GLP2R: variants seen among roughly 807,000 people sequenced by gnomAD.
GLP2R encodes the protein glucagon-like peptide 2 receptor.
A neutral mutation model predicts 68.2 loss-of-function variants in GLP2R; 59 were observed. The observed-to-expected ratio is 0.87, with a 90% CI of 0.70 to 1.07. GLP2R has a LOEUF of 1.07. GLP2R is among the 50% of genes least tolerant of loss of function. GLP2R has a pLI of 0.00. For missense variants in GLP2R, 548 were observed against 677.4 expected (o/e 0.81, Z 2.12); for synonymous variants, 270 against 265.4 (o/e 1.02, Z -0.17).
At chr17:9,830,297 G>A (rs943050670) in intron 1 of GLP2R, among the ~76,000 whole-genome samples, 2 of 152,088 alleles carry the variant, frequency 1.3e-5, no homozygotes, top group Non-Finnish European at 2.9e-5. Flanking sequence ...AGGTCCCTGG[G>A]GTCATAAATA....
Position 9,889,772 on chromosome 17 carries a change from A to C in GLP2R, c.*67A>C. On this transcript the variant is annotated 3_prime_UTR_variant, in exon 13 of 13. Coordinates refer to ENST00000262441, the MANE Select transcript of GLP2R (RefSeq NM_004246.3). Reference sequence around the variant, plus strand: ...GAGGGGGCCCAGGAAGAGGAAGCAAAGCAGGACACACGTTGCTGGGCACGG... The same window carrying C: ...GAGGGGGCCCAGGAAGAGGAAGCAACGCAGGACACACGTTGCTGGGCACGG... 1 of 960,426 alleles carries C rather than the reference A, an allele frequency of 1.0e-6. No homozygotes were observed. Among genetic ancestry groups the C allele is most frequent in the Non-Finnish European group, 1.5e-6 (1 of 649,106 alleles). 59.5% of individuals were successfully genotyped at this position (960,426 alleles called of 1,614,324 possible).
chr17:9,873,973 A>G (rs547387945), intron 10 of GLP2R, among the ~76,000 whole-genome samples: 1 of 152,280 alleles, frequency 6.6e-6, no homozygotes, highest in South Asian at 2.1e-4. Flanking sequence ...CTGATCACAC[A>G]TCTCTGTCAG....
intron 9 of GLP2R, among the ~76,000 whole-genome samples, chr17:9,862,410 A>G (rs2066995191): frequency 6.6e-6 from 1 of 152,222 alleles, no homozygotes; most frequent in South Asian, 2.1e-4. Flanking sequence ...TCATGGAGGA[A>G]CCCAGAATAG....
At chr17:9,854,995 T>G (rs1378948146) in intron 5 of GLP2R, among the ~76,000 whole-genome samples, 1 of 152,238 alleles carries the variant, frequency 6.6e-6, no homozygotes, top group African/African-American at 2.4e-5. Context: ...ATCACTTTAC[T>G]CAGAACAGCA....
At chr17:9,855,419 G>A (rs1044761138) in intron 5 of GLP2R, among the ~76,000 whole-genome samples, 7 of 152,146 alleles carry the variant, frequency 4.6e-5, no homozygotes, top group East Asian at 1.9e-4. Flanking sequence ...CCTGCTGTGC[G>A]CCCGGCCCTG....
At chr17:9,847,876 G>A (rs142191415) in intron 4 of GLP2R, among the ~76,000 whole-genome samples, 256 of 152,238 alleles carry the variant, frequency 1.7e-3, no homozygotes, top group African/African-American at 5.5e-3. Context: ...CCATCAAGGC[G>A]CAGTGGCTCA....
chr17:9,882,027 T>C lies in GLP2R; in HGVS notation c.1284+1511T>C, dbSNP rs192182283. ...GTCAATAGCAACCATTTTGGGACCA[T>C]ACACATTAACTAAAAAAAAAAAAAA... On this transcript the variant is annotated intron_variant, in intron 11 of 12. Coordinates refer to ENST00000262441, the MANE Select transcript of GLP2R (RefSeq NM_004246.3). 3.8e-3 allele frequency among the ~76,000 whole-genome samples: 513 copies of C among 135,486 alleles called. 7 individuals are homozygous for C. The highest frequency in any genetic ancestry group is 0.033 in the East Asian group (160 of 4,866). The allele number at this position is 135,486 out of a possible 152,430, so 88.9% of individuals were successfully genotyped here. A position where few individuals can be genotyped will look rare whatever the true frequency, so the allele number is the denominator to read the frequency against.
At chr17:9,885,044 A>G (rs2067230219) in intron 11 of GLP2R, among the ~76,000 whole-genome samples, 1 of 152,114 alleles carries the variant, frequency 6.6e-6, no homozygotes, top group Non-Finnish European at 1.5e-5. Context: ...TTTCTGAGAA[A>G]GAATCCTAGA....
intron 10 of GLP2R, among the ~76,000 whole-genome samples, chr17:9,879,271 TAAAATAAAATAAAATAAAATAA>T (rs2067169294): frequency 0.025 from 410 of 16,474 alleles, 1 homozygote; most frequent in South Asian, 0.052. Context: ...TAAAATAAAA[TAAAATAAAATAAAATAAAATAA>T]ATAAAATAAA....
rs761771451 is a variant in GLP2R, at chr17:9,826,152, C to T, written c.89C>T (p.Ala30Val). The T allele has an allele frequency of 2.5e-6, 4 of 1,612,332 alleles. No homozygotes were observed. The highest frequency in any genetic ancestry group is 1.7e-5 in the Admixed American group (1 of 59,886). Residue 30 changes from alanine (A) to valine (V), a missense_variant, in exon 1 of 13, where the codon GCC (alanine) becomes GTC (valine). Ala to Val is a moderately conservative substitution (Grantham distance 64, BLOSUM62 0). Coordinates refer to ENST00000262441, the MANE Select transcript of GLP2R (RefSeq NM_004246.3). The part of the protein sequence containing the change: ...GVHELPMGIP[A>V]PWGTSPLSFH... ...CACGAGCTGCCCATGGGCATCCCTG[C>T]CCCCTGGGGGACCAGTCCTCTCTCC...
At chr17:9,862,172 C>A in intron 9 of GLP2R, 82 bp downstream of exon 9, 1 of 976,478 alleles carries the variant, frequency 1.0e-6, no homozygotes, top group South Asian at 1.3e-5. Context: ...CTTCTGTCCC[C>A]CAGGTTCTCT....
At chr17:9,885,429 G>A (rs8077037) in intron 11 of GLP2R, among the ~76,000 whole-genome samples, 40,443 of 151,640 alleles carry the variant, frequency 0.27, 5,736 homozygotes, top group Non-Finnish European at 0.31. Context: ...TGATACATGT[G>A]ATTTTCGGCT....
At chr17:9,874,919 T>C (rs1176500429) in intron 10 of GLP2R, among the ~76,000 whole-genome samples, 4 of 152,146 alleles carry the variant, frequency 2.6e-5, no homozygotes, top group African/African-American at 9.6e-5. Flanking sequence ...AGGAGGCTCA[T>C]TCCCCAGATC....
chr17:9,849,032 CAT>C (rs1290145089), intron 4 of GLP2R, among the ~76,000 whole-genome samples: 17 of 55,448 alleles, frequency 3.1e-4, no homozygotes, highest in African/African-American at 2.1e-3. Flanking sequence ...TTAATTAATA[CAT>C]ACATATGAAT....
At chr17:9,852,732 G>T in intron 4 of GLP2R, 1 of 246,454 alleles carries the variant, frequency 4.1e-6, no homozygotes, top group Non-Finnish European at 8.0e-6. Context: ...ATTTTTGCCT[G>T]GAGTGTTTCA....
At chr17:9,833,924 G>A (rs761495566) in intron 2 of GLP2R, 30 bp downstream of exon 2, 298 of 1,410,542 alleles carry the variant, frequency 2.1e-4, no homozygotes, top group Non-Finnish European at 2.8e-4. Flanking sequence ...ATCCGTGGCT[G>A]TGTAACAAAT....
rs17208157 is a variant in GLP2R at position 9,871,048 on chromosome 17, A to T, written c.1145+213A>T. Among the ~76,000 whole-genome samples, 149 of 152,292 alleles carry T rather than the reference A, an allele frequency of 9.8e-4. 3 individuals carry two copies. Among genetic ancestry groups the T allele is most frequent in the East Asian group, 7.7e-3 (40 of 5,170 alleles). On this transcript the variant is annotated intron_variant, in intron 10 of 12. Coordinates refer to ENST00000262441, the MANE Select transcript of GLP2R (RefSeq NM_004246.3). ...AAATGGTGAGTAGTCAAGGGCATTC[A>T]CATCCCCCAGCAGAAAACTGTTAAA... is the stretch of plus-strand genomic sequence containing the variant.
chr17:9,887,369 A>C (rs545919993), intron 11 of GLP2R, among the ~76,000 whole-genome samples: 23 of 152,226 alleles, frequency 1.5e-4, no homozygotes, highest in Non-Finnish European at 2.6e-4. Context: ...TGTACTAAAA[A>C]TACAAAAAAT....
intron 3 of GLP2R, among the ~76,000 whole-genome samples, chr17:9,840,229 C>A: frequency 6.6e-6 from 1 of 152,218 alleles, no homozygotes; most frequent in East Asian, 1.9e-4. Context: ...CCCGCCTTGG[C>A]CTCCCAAAAT....
Sources: allele counts gnomAD v4.1 joint callset (sites outside exome capture counted in the v4.1 genomes callset), GRCh38; gene constraint gnomAD v4.1.1; transcripts MANE v1.5; gene names NCBI Gene and HGNC (gene_info 2026-07-23, HGNC 2026-07-21).